ANGPT1: variants seen among roughly 807,000 people sequenced by gnomAD.
The protein encoded by ANGPT1 is angiopoietin-1.
Under a neutral mutation model 62.2 loss-of-function variants are expected in ANGPT1, and 17 were observed. That is an observed-to-expected ratio of 0.27 (90% CI 0.19 to 0.41). The LOEUF is 0.41. Among genes scored for constraint, ANGPT1 ranks in the 10% least tolerant of loss-of-function variants. The pLI is 1.00. For synonymous variants in ANGPT1, 199 were observed against 198.9 expected, an observed-to-expected ratio of 1.00 and a Z score of 0.00; for missense variants, 478 against 594.9, an observed-to-expected ratio of 0.80 and a Z score of 2.04.
chr8:107,358,498 C>T (rs1370442713), intron 1 of ANGPT1, among the ~76,000 whole-genome samples: 1 of 152,030 alleles, frequency 6.6e-6, no homozygotes, highest in Non-Finnish European at 1.5e-5. Flanking sequence ...GGATGAGAGA[C>T]CAAATTAGCA....
intron 1 of ANGPT1, among the ~76,000 whole-genome samples, chr8:107,383,077 A>G (rs1361892700): frequency 6.6e-6 from 1 of 152,162 alleles, no homozygotes; most frequent in Non-Finnish European, 1.5e-5. Context: ...GATCAAGTCT[A>G]CACTGTACAG....
intron 1 of ANGPT1, among the ~76,000 whole-genome samples, chr8:107,467,181 G>T (rs1048366120): frequency 6.6e-6 from 1 of 151,920 alleles, no homozygotes; most frequent in Non-Finnish European, 1.5e-5. Flanking sequence ...AAATGATAAG[G>T]TGATAGATAC....
intron 1 of ANGPT1, among the ~76,000 whole-genome samples, chr8:107,349,331 C>T (rs1314062324): frequency 2.6e-5 from 4 of 151,980 alleles, no homozygotes; most frequent in African/African-American, 9.7e-5. Flanking sequence ...ACCTTTTTTC[C>T]CCTTCAATCA....
At chr8:107,462,198 A>G (rs1283175490) in intron 1 of ANGPT1, among the ~76,000 whole-genome samples, 2 of 152,070 alleles carry the variant, frequency 1.3e-5, no homozygotes, top group East Asian at 3.9e-4. Flanking sequence ...GAAGGTAATG[A>G]TGAAAATGAC....
intron 5 of ANGPT1, 111 bp downstream of exon 5, chr8:107,303,129 A>G: frequency 7.8e-7 from 1 of 1,285,100 alleles, no homozygotes. Context: ...AAAAAAGTTC[A>G]GGCATCTCTA....
At chr8:107,427,457 G>C (rs936137817) in intron 1 of ANGPT1, among the ~76,000 whole-genome samples, 2 of 152,102 alleles carry the variant, frequency 1.3e-5, no homozygotes, top group Non-Finnish European at 2.9e-5. Context: ...TATCTGTTGA[G>C]GTCCCTCTTC....
At chr8:107,407,369 C>A (rs551672918) in intron 1 of ANGPT1, among the ~76,000 whole-genome samples, 1 of 151,732 alleles carries the variant, frequency 6.6e-6, no homozygotes, top group Non-Finnish European at 1.5e-5. Context: ...ATGTAAATAC[C>A]GAGGATGGAT....
chr8:107,440,725 T>C (rs1386328763), intron 1 of ANGPT1, among the ~76,000 whole-genome samples: 1 of 152,232 alleles, frequency 6.6e-6, no homozygotes, highest in Non-Finnish European at 1.5e-5. Flanking sequence ...AGGCTGATGG[T>C]GTTTAACTAT....
At chr8:107,406,776 A>G (rs1383317050) in intron 1 of ANGPT1, among the ~76,000 whole-genome samples, 1 of 152,048 alleles carries the variant, frequency 6.6e-6, no homozygotes, top group Non-Finnish European at 1.5e-5. Context: ...AATTATGTAA[A>G]GCACTTAGCA....
chr8:107,489,799 G>C (rs1305185384), intron 1 of ANGPT1, among the ~76,000 whole-genome samples: 1 of 151,914 alleles, frequency 6.6e-6, no homozygotes, highest in East Asian at 1.9e-4. Context: ...CAGACCATGG[G>C]GCCAAAACCA....
chr8:107,387,348 A>G (rs980279860), intron 1 of ANGPT1, among the ~76,000 whole-genome samples: 2 of 152,078 alleles, frequency 1.3e-5, no homozygotes, highest in African/African-American at 4.8e-5. Flanking sequence ...CTTCACATGA[A>G]TTCTTCCTCT....
At chr8:107,288,232 A>G (rs1814190453) in intron 6 of ANGPT1, among the ~76,000 whole-genome samples, 2 of 152,204 alleles carry the variant, frequency 1.3e-5, no homozygotes, top group Admixed American at 1.3e-4. Context: ...ATAAGAAATT[A>G]CAACCAACTG....
At chr8:107,259,072 G>A (rs1018387935) in intron 8 of ANGPT1, among the ~76,000 whole-genome samples, 5 of 152,094 alleles carry the variant, frequency 3.3e-5, no homozygotes, top group Non-Finnish European at 5.9e-5. Flanking sequence ...ATAGGCTTAC[G>A]TTTTATGTAC....
chr8:107,362,499 C>A (rs1816186278), intron 1 of ANGPT1, among the ~76,000 whole-genome samples: 1 of 151,970 alleles, frequency 6.6e-6, no homozygotes, highest in African/African-American at 2.4e-5. Context: ...TTTTTTCTGT[C>A]CTGATGTGCA....
intron 1 of ANGPT1, among the ~76,000 whole-genome samples, chr8:107,455,546 C>A (rs1203461597): frequency 6.6e-6 from 1 of 151,952 alleles, no homozygotes; most frequent in Non-Finnish European, 1.5e-5. Context: ...GAATGAAAGT[C>A]AAGTAAATAC....
intron 1 of ANGPT1, among the ~76,000 whole-genome samples, chr8:107,409,446 C>T (rs191509899): frequency 6.6e-6 from 1 of 152,238 alleles, no homozygotes; most frequent in Non-Finnish European, 1.5e-5. Context: ...CGCTCCAGGT[C>T]CCACAGTCCC....
chr8:107,338,994 C>T lies in ANGPT1; in HGVS notation c.454-2723G>A, dbSNP rs541157993. ...AATGAAATCTATTTTCTTTCTTATTCGCCGTACTCTCTGATCACAGTTCCT... is the reference window on the plus strand; with the variant it reads ...AATGAAATCTATTTTCTTTCTTATTTGCCGTACTCTCTGATCACAGTTCCT... On this transcript the variant is annotated intron_variant, in intron 2 of 8. Coordinates refer to ENST00000517746, the MANE Select transcript of ANGPT1 (RefSeq NM_001146.5). 9.8e-5 allele frequency among the ~76,000 whole-genome samples: 15 copies of T among 152,298 alleles called. No individual in the cohort carries two copies. The South Asian group carries it at 2.5e-3, about 25-fold the overall frequency.
intron 1 of ANGPT1, among the ~76,000 whole-genome samples, chr8:107,457,844 A>G (rs1586339050): frequency 1.3e-5 from 2 of 149,368 alleles, no homozygotes; most frequent in South Asian, 4.4e-4. Context: ...ACACACACAC[A>G]CACACACACA....
chr8:107,272,935 G>C (rs1813773928), intron 7 of ANGPT1, among the ~76,000 whole-genome samples: 1 of 148,194 alleles, frequency 6.7e-6, no homozygotes, highest in Admixed American at 6.8e-5. Context: ...GTGACACCAA[G>C]ACCCCTGTTT....
Sources: gnomAD v4.1 joint callset for allele counts (sites outside exome capture counted in the v4.1 genomes callset) on GRCh38, gnomAD v4.1.1 for gene constraint, MANE v1.5 for transcripts, NCBI Gene and HGNC (gene_info 2026-07-23, HGNC 2026-07-21) for gene names.